FTH1: variants seen among roughly 807,000 people sequenced by gnomAD.
FTH1 encodes ferritin heavy chain 1.
A neutral mutation model predicts 21.8 loss-of-function variants in FTH1; 3 were observed. That is an observed-to-expected ratio of 0.14 (90% CI 0.06 to 0.36). FTH1 has a LOEUF of 0.36. Among genes scored for constraint, FTH1 ranks in the 10% least tolerant of loss-of-function variants. The probability of loss-of-function intolerance (pLI) is 1.00; values close to 1 mark genes in which losing one functional copy is unlikely to be tolerated. For synonymous variants in FTH1, 83 were observed against 90.1 expected (o/e 0.92, Z 0.45); for missense variants, 147 against 225.8 (o/e 0.65, Z 2.24).
Position 61,965,449 on chromosome 11 carries a change from G to A in FTH1, c.181C>T (p.His61Tyr). The change falls in exon 2 of 4, where the codon CAT (histidine) becomes TAT (tyrosine). Residue 61 changes from histidine to tyrosine, a missense_variant. By Grantham distance (83) the His-to-Tyr change is moderately conservative. Transcript: ENST00000273550. ...TTCTCAGCATGTTCCCTCTCCTCATGAGATTGGTGAAGAAAGTATTTGGCA... is the reference window on the plus strand; with the variant it reads ...TTCTCAGCATGTTCCCTCTCCTCATAAGATTGGTGAAGAAAGTATTTGGCA... ...NFAKYFLHQSHEEREHAEKLM... is the reference protein window; with the variant it reads ...NFAKYFLHQSYEEREHAEKLM... 6.2e-7 allele frequency: 1 copy of A among 1,611,700 alleles called. No individual in the cohort carries two copies. Among genetic ancestry groups the A allele is most frequent in the Non-Finnish European group, 8.5e-7 (1 of 1,180,004 alleles).
intron 2 of FTH1, 63 bp downstream of exon 2, chr11:61,965,306 G>A (rs1942426827): frequency 2.5e-6 from 4 of 1,609,008 alleles, no homozygotes; most frequent in Non-Finnish European, 2.5e-6. Flanking sequence ...TAGTTTAAGT[G>A]ATTTCTGATA....
Position 61,964,474 on chromosome 11 carries a change from G to A in FTH1, c.*253C>T. 4.9e-6 allele frequency: 3 copies of A among 616,978 alleles called. No homozygotes were observed. Among genetic ancestry groups the A allele is most frequent in the Non-Finnish European group, 8.4e-6 (3 of 355,246 alleles). 38.2% of individuals were successfully genotyped at this position (616,978 alleles called of 1,614,324 possible). On this transcript the variant is annotated 3_prime_UTR_variant, in exon 4 of 4. Coordinates refer to ENST00000273550, the MANE Select transcript of FTH1 (RefSeq NM_002032.3). ...ACAAATACTCGTTTCTTTTTGATTA[G>A]TGTGATTAGAACTGAACAACGGCAC...
rs1565047812 is a variant in FTH1 at position 61,964,310 on chromosome 11, TA to T, written c.*416del. 8.7e-7 allele frequency: 1 copy of T among 1,147,596 alleles called. No individual in the cohort carries two copies. Among genetic ancestry groups the T allele is most frequent in the East Asian group, 2.6e-5 (1 of 39,106 alleles). The allele number at this position is 1,147,596 out of a possible 1,614,324, so 71.1% of individuals were successfully genotyped here. On this transcript the variant is annotated 3_prime_UTR_variant, in exon 4 of 4. Coordinates refer to ENST00000273550, the MANE Select transcript of FTH1 (RefSeq NM_002032.3). ...TTCAGCCTTTAATGCCTTTTATTCA[TA>T]AAAACTGTGAAAGCTAGACTGAACC...
intron 1 of FTH1, 65 bp downstream of exon 1, chr11:61,967,247 G>A: frequency 4.7e-6 from 5 of 1,054,142 alleles, no homozygotes; most frequent in South Asian, 1.5e-5. Flanking sequence ...CCCCCGGCCC[G>A]CCCCAGCGCG....
chr11:61,965,671 G>T, intron 1 of FTH1, 156 bp from the exon 2 acceptor site: 1 of 768,494 alleles, frequency 1.3e-6, no homozygotes, highest in Non-Finnish European at 2.3e-6. Context: ...GGGGGCAGAT[G>T]AGCTACTGGA....
chr11:61,966,360 T>C (rs917237715), intron 1 of FTH1, among the ~76,000 whole-genome samples: 4 of 152,236 alleles, frequency 2.6e-5, no homozygotes, highest in Admixed American at 2.6e-4. Flanking sequence ...ATAATAGTTA[T>C]ATCACAAAAA....
intron 1 of FTH1, chr11:61,965,725 A>T: frequency 1.6e-6 from 1 of 639,518 alleles, no homozygotes; most frequent in Non-Finnish European, 2.8e-6. Flanking sequence ...AGAAAACTGA[A>T]ACTTGATCCT....
At chr11:61,966,067 G>A (rs548123284) in intron 1 of FTH1, among the ~76,000 whole-genome samples, 211 of 152,304 alleles carry the variant, frequency 1.4e-3, no homozygotes, top group Non-Finnish European at 2.3e-3. Flanking sequence ...GAGGTCAGCA[G>A]ATCGAGACCA....
chr11:61,964,682 G>A lies in FTH1; in HGVS notation c.*45C>T. On this transcript the variant is annotated 3_prime_UTR_variant, in exon 4 of 4. Transcript: ENST00000273550. ...CCCAACATGCATGCACTGCCTTGGT[G>A]ACCAGGGAAGTCACCCCACGGCTAT... 1 of 1,591,768 alleles carries A rather than the reference G, an allele frequency of 6.3e-7. No individual in the cohort carries two copies. The highest frequency in any genetic ancestry group is 8.5e-7 in the Non-Finnish European group (1 of 1,174,548).
chr11:61,965,653 G>A (rs201262870), intron 1 of FTH1, 138 bp from the exon 2 acceptor site: 2 of 860,822 alleles, frequency 2.3e-6, no homozygotes, highest in Admixed American at 3.7e-5. Flanking sequence ...CAGTGCCTAA[G>A]GAGACTGGGG....
At chr11:61,967,279 C>T (rs1298911304) in intron 1 of FTH1, 33 bp downstream of exon 1, 2 of 1,416,642 alleles carry the variant, frequency 1.4e-6, no homozygotes, top group Non-Finnish European at 1.9e-6. Context: ...CCGCGCCCGG[C>T]CCCCGCCACC....
chr11:61,964,408 C>CCAA lies in FTH1; in HGVS notation c.*318_*319insTTG. On this transcript the variant is annotated 3_prime_UTR_variant, in exon 4 of 4. Coordinates refer to ENST00000273550, the MANE Select transcript of FTH1 (RefSeq NM_002032.3). The stretch of plus-strand genomic sequence containing the variant: ...TAGTTCTATCTGAATCCAAGACAGC[C>CCAA]ACACCTTAGTATACTGCCCAAACTA... 1 of 633,896 alleles carries CCAA rather than the reference C, an allele frequency of 1.6e-6. No homozygotes were observed. The highest frequency in any genetic ancestry group is 2.7e-6 in the Non-Finnish European group (1 of 370,566). The allele number at this position is 633,896 out of a possible 1,614,324, so 39.3% of individuals were successfully genotyped here.
chr11:61,966,017 G>A (rs559319937), intron 1 of FTH1, among the ~76,000 whole-genome samples: 1 of 152,308 alleles, frequency 6.6e-6, no homozygotes, highest in African/African-American at 2.4e-5. Flanking sequence ...GGCTCAGCCT[G>A]TAATCCCAGC....
intron 1 of FTH1, chr11:61,967,093 G>A: frequency 2.6e-6 from 1 of 382,808 alleles, no homozygotes. Flanking sequence ...AGGCGGCCCT[G>A]GCCTAGGAGG....
Position 61,965,469 on chromosome 11 carries a change from T to C in FTH1, c.161A>G (p.Lys54Arg), listed in dbSNP as rs186448909. 4,364 of 1,608,172 alleles carry C rather than the reference T, an allele frequency of 2.7e-3. 8 individuals are homozygous for C. The highest frequency in any genetic ancestry group is 3.3e-3 in the Non-Finnish European group (3,906 of 1,179,990). The change falls in exon 2 of 4, where the codon AAA becomes AGA. Residue 54 changes from lysine (K) to arginine (R), a missense_variant. Transcript: ENST00000273550. ...CTCATGAGATTGGTGAAGAAAGTATTTGGCAAAGTTCTTCAAAGCCACATC... is the reference window on the plus strand; with the variant it reads ...CTCATGAGATTGGTGAAGAAAGTATCTGGCAAAGTTCTTCAAAGCCACATC... ...RDDVALKNFAKYFLHQSHEER... is the reference protein window; with the variant it reads ...RDDVALKNFARYFLHQSHEER...
At chr11:61,966,942 G>A in intron 1 of FTH1, 1 of 163,700 alleles carries the variant, frequency 6.1e-6, no homozygotes, top group Non-Finnish European at 1.3e-5. Context: ...TGGCATTTAG[G>A]GCCAAATGCC....
intron 1 of FTH1, among the ~76,000 whole-genome samples, chr11:61,966,181 A>G (rs1470579712): frequency 6.6e-6 from 1 of 152,064 alleles, no homozygotes. Flanking sequence ...GCCTGAGGTA[A>G]GAGAATCACT....
At position 61,964,888 on chromosome 11, in the gene FTH1, A is replaced by C; in HGVS notation, c.391T>G (p.Cys131Gly). 1 of 1,609,402 alleles carries C rather than the reference A, an allele frequency of 6.2e-7. No homozygotes were observed. Among genetic ancestry groups the C allele is most frequent in the Non-Finnish European group, 8.5e-7 (1 of 1,180,010 alleles). Residue 131 changes from cysteine (C) to glycine (G), a missense_variant, in exon 4 of 4, where the codon TGT (cysteine) becomes GGT (glycine). By Grantham distance (159) the Cys-to-Gly change is radical. Transcript: ENST00000273550. ...AGGTAATGTGTCTCAATGAAGTCACACAACTGCAAAACAATGGGGAAGACA... is the reference window on the plus strand; with the variant it reads ...AGGTAATGTGTCTCAATGAAGTCACCCAACTGCAAAACAATGGGGAAGACA... ...LATDKNDPHL[C>G]DFIETHYLNE...
At position 61,964,308 on chromosome 11, in the gene FTH1, C is replaced by A. The variant is rs894975964; in HGVS notation, c.*419G>T. The A allele has an allele frequency of 8.7e-7, 1 of 1,153,798 alleles. No individual in the cohort carries two copies. The highest frequency in any genetic ancestry group is 1.2e-6 in the Non-Finnish European group (1 of 831,252). The allele number at this position is 1,153,798 out of a possible 1,614,324, so 71.5% of individuals were successfully genotyped here. ...ACTTCAGCCTTTAATGCCTTTTATT[C>A]ATAAAAACTGTGAAAGCTAGACTGA... On this transcript the variant is annotated 3_prime_UTR_variant, in exon 4 of 4. Coordinates refer to ENST00000273550, the MANE Select transcript of FTH1 (RefSeq NM_002032.3).
Sources: allele counts gnomAD v4.1 joint callset (sites outside exome capture counted in the v4.1 genomes callset), GRCh38; gene constraint gnomAD v4.1.1; transcripts MANE v1.5; gene names NCBI Gene and HGNC (gene_info 2026-07-23, HGNC 2026-07-21).